ENOSF1: variants seen among roughly 807,000 people sequenced by gnomAD.
The protein encoded by ENOSF1 is enolase superfamily member 1.
Under a neutral mutation model 68.2 loss-of-function variants are expected in ENOSF1, and 73 were observed. That is an observed-to-expected ratio of 1.07 (90% CI 0.89 to 1.30). The LOEUF (loss-of-function observed/expected upper bound fraction) is 1.30, where lower values mean the gene tolerates loss of function less well. Among genes scored for constraint, ENOSF1 ranks in the 50% most tolerant of loss-of-function variants. The probability of loss-of-function intolerance (pLI) is 0.00; values close to 1 mark genes in which losing one functional copy is unlikely to be tolerated. For synonymous variants in ENOSF1, 223 were observed against 210.4 expected (o/e 1.06, Z -0.52); for missense variants, 589 against 554.5 (o/e 1.06, Z -0.62).
chr18:705,033 C>A (rs894487135), intron 2 of ENOSF1, among the ~76,000 whole-genome samples: 2 of 152,224 alleles, frequency 1.3e-5, no homozygotes, highest in Non-Finnish European at 2.9e-5. Context: ...GCCACCTGGG[C>A]AGTGTCCATT....
the ENOSF1 span, among the ~76,000 whole-genome samples, chr18:664,851 CATCCCAGGG>C: frequency 1.4e-5 from 2 of 139,680 alleles, no homozygotes; most frequent in African/African-American, 5.8e-5. Context: ...ACCAGCCTTG[CATCCCAGGG>C]ATGAAGCCCA....
chr18:690,029 G>C (rs1489883701), intron 8 of ENOSF1, among the ~76,000 whole-genome samples: 1 of 152,128 alleles, frequency 6.6e-6, no homozygotes, highest in South Asian at 2.1e-4. Flanking sequence ...TGGAGGTACT[G>C]GGAGTGTGGC....
At chr18:666,938 GAGA>G (rs1271725163), downstream of ENOSF1, among the ~76,000 whole-genome samples, 210 of 39,884 alleles carry the variant, frequency 5.3e-3, 28 homozygotes, top group Middle Eastern at 9.3e-3. Flanking sequence ...GATGGTGATG[GAGA>G]TGGTGATGGT....
At chr18:694,467 C>G in intron 3 of ENOSF1, 133 bp from the exon 4 acceptor site, 1 of 748,592 alleles carries the variant, frequency 1.3e-6, no homozygotes, top group Non-Finnish European at 2.2e-6. Context: ...CCCGTCTCTA[C>G]TGAAAACAGA....
rs180925156 is a variant in ENOSF1, at chr18:692,694, C to T, written c.423+1188G>A. 4,667 of 990,956 alleles carry T rather than the reference C, an allele frequency of 4.7e-3. 9 individuals carry two copies. The highest frequency in any genetic ancestry group is 7.3e-3 in the Middle Eastern group (14 of 1,926). The allele number at this position is 990,956 out of a possible 1,614,324, so 61.4% of individuals were successfully genotyped here. A position where few individuals can be genotyped will look rare whatever the true frequency, so the allele number is the denominator to read the frequency against. ...AAAAATGGAGGGTCCACAGGTGGGA[C>T]CTCAGGCACATTTCTGGTGGCCTGC... On this transcript the variant is annotated intron_variant, in intron 5 of 15. Transcript: ENST00000647584.
intron 3 of ENOSF1, 115 bp from the exon 4 acceptor site, chr18:694,449 G>T: frequency 1.2e-6 from 1 of 865,808 alleles, no homozygotes; most frequent in Non-Finnish European, 1.8e-6. Context: ...TGGCCAACAT[G>T]GTGAAACCCC....
In ENOSF1 at chr18:671,365, C is replaced by T; in HGVS notation, c.*2940G>A. Reference sequence around the variant, plus strand: ...AAACTAACATACTGTTCTGCTTTCTCCCCCGGGTTTATAGCCAGGTGACTT... The same window carrying T: ...AAACTAACATACTGTTCTGCTTTCTTCCCCGGGTTTATAGCCAGGTGACTT... On this transcript the variant is annotated 3_prime_UTR_variant, in exon 16 of 16. Transcript: ENST00000647584. 1 of 1,572,346 alleles carries T rather than the reference C, an allele frequency of 6.4e-7. No individual in the cohort carries two copies. The highest frequency in any genetic ancestry group is 2.2e-5 in the East Asian group (1 of 44,692).
At chr18:680,444 C>G (rs2075963759) in intron 11 of ENOSF1, among the ~76,000 whole-genome samples, 1 of 152,156 alleles carries the variant, frequency 6.6e-6, no homozygotes, top group African/African-American at 2.4e-5. Context: ...GCATATATGG[C>G]AGACTAGGGG....
In ENOSF1 at chr18:677,352, C is replaced by G; in HGVS notation, c.1141G>C (p.Glu381Gln). 1 of 1,613,580 alleles carries G rather than the reference C, an allele frequency of 6.2e-7. No homozygotes were observed. The highest frequency in any genetic ancestry group is 8.5e-7 in the Non-Finnish European group (1 of 1,179,736). The change falls in exon 14 of 16, where the codon GAA becomes CAA. Residue 381 changes from glutamate to glutamine, a missense_variant. Glu to Gln is a conservative substitution (Grantham distance 29). Transcript: ENST00000647584. ...TAATGCCACATTACTGACCTATTTT[C>G]AAGGCTTGCAGAAACTGATATGTAG... Reference protein sequence around the residue: ...FDYISVSASLENRVCEYVDHL... With the variant: ...FDYISVSASLQNRVCEYVDHL...
chr18:670,665 C>G lies in ENOSF1; in HGVS notation c.*3640G>C. The G allele has an allele frequency of 6.2e-7, 1 of 1,611,706 alleles. No homozygotes were observed. ...TGTGGTCTTTCAAACCACCATCCCT[C>G]CTTATCTTCCTCTGCTGGTTCCTCA... is the stretch of plus-strand genomic sequence containing the variant. On this transcript the variant is annotated 3_prime_UTR_variant, in exon 16 of 16. Coordinates refer to ENST00000647584, the MANE Select transcript of ENOSF1 (RefSeq NM_017512.7).
At chr18:666,909 T>TGATGG (rs1290842892), downstream of ENOSF1, among the ~76,000 whole-genome samples, 3 of 41,492 alleles carry the variant, frequency 7.2e-5, no homozygotes, top group South Asian at 9.0e-4. Flanking sequence ...ATGGAGATGG[T>TGATGG]GATGGTGATG....
chr18:679,862 A>G (rs2075901902), intron 11 of ENOSF1, among the ~76,000 whole-genome samples: 2 of 152,168 alleles, frequency 1.3e-5, no homozygotes, highest in African/African-American at 4.8e-5. Context: ...GCTTAGGGTA[A>G]TAGTAATCAC....
At chr18:674,439 C>A (rs1197438679) in intron 15 of ENOSF1, 33 bp from the exon 16 acceptor site, 4 of 1,409,038 alleles carry the variant, frequency 2.8e-6, no homozygotes, top group Non-Finnish European at 4.0e-6. Flanking sequence ...GTCCTGTTAA[C>A]AACCACCTGG....
At chr18:697,739 G>A (rs1317559971) in intron 2 of ENOSF1, among the ~76,000 whole-genome samples, 2 of 152,212 alleles carry the variant, frequency 1.3e-5, no homozygotes, top group African/African-American at 2.4e-5. Context: ...CAACAAGAGT[G>A]AGACTCTATC....
At chr18:685,324 T>G (rs964078631) in intron 10 of ENOSF1, among the ~76,000 whole-genome samples, 2 of 151,772 alleles carry the variant, frequency 1.3e-5, no homozygotes, top group Non-Finnish European at 2.9e-5. Flanking sequence ...TCAATTTTTA[T>G]CATAAGTTAT....
intron 11 of ENOSF1, among the ~76,000 whole-genome samples, chr18:681,755 T>C (rs1598571149): frequency 6.6e-6 from 1 of 152,220 alleles, no homozygotes; most frequent in Non-Finnish European, 1.5e-5. Flanking sequence ...CTACTGTGCT[T>C]GGCATTCAGT....
chr18:705,309 T>C (rs187326974), intron 2 of ENOSF1, among the ~76,000 whole-genome samples: 35 of 152,338 alleles, frequency 2.3e-4, no homozygotes, highest in Non-Finnish European at 4.9e-4. Flanking sequence ...CTGAAATTGA[T>C]CTGGCGAAGG....
In ENOSF1 at chr18:690,534, G is replaced by A; in HGVS notation, c.618+15C>T. 1.2e-6 allele frequency: 2 copies of A among 1,614,154 alleles called. No individual in the cohort carries two copies. Among genetic ancestry groups the A allele is most frequent in the Non-Finnish European group, 8.5e-7 (1 of 1,180,040 alleles). On this transcript the variant is annotated intron_variant, in intron 8 of 15. Transcript: ENST00000647584. ...CCCCATTCAGCTGTCTACAAAGCCAGGTTAAAATGCCCACCTGCTTCAACG... is the reference window on the plus strand; with the variant it reads ...CCCCATTCAGCTGTCTACAAAGCCAAGTTAAAATGCCCACCTGCTTCAACG...
chr18:682,694 C>T (rs373764596), intron 11 of ENOSF1, among the ~76,000 whole-genome samples: 9 of 146,044 alleles, frequency 6.2e-5, no homozygotes, highest in African/African-American at 1.5e-4. Context: ...TGTGGTGAAA[C>T]CTCATCTCTA....
Sources: gnomAD v4.1 joint callset for allele counts (sites outside exome capture counted in the v4.1 genomes callset) on GRCh38, gnomAD v4.1.1 for gene constraint, MANE v1.5 for transcripts, NCBI Gene and HGNC (gene_info 2026-07-23, HGNC 2026-07-21) for gene names.